The following KLHL1 variants were observed in gnomAD, a reference collection of about 807,000 sequenced individuals.
KLHL1 encodes kelch like family member 1.
In KLHL1, 47 loss-of-function variants were observed where a neutral mutation model predicts 77.7. That is an observed-to-expected ratio of 0.60 (90% CI 0.48 to 0.77). The LOEUF is 0.77. KLHL1 is among the 30% of genes least tolerant of loss of function. The pLI, the probability that KLHL1 is intolerant of heterozygous loss-of-function variation, is 0.00. For synonymous variants in KLHL1, 360 were observed against 325.2 expected (o/e 1.11, Z -1.15); for missense variants, 925 against 910.8 (o/e 1.02, Z -0.20).
At chr13:69,719,333 G>A in intron 9 of KLHL1, 36 bp downstream of exon 9, 1 of 1,575,790 alleles carries the variant, frequency 6.3e-7, no homozygotes, top group Non-Finnish European at 8.7e-7. Flanking sequence ...GATTTGCACT[G>A]TCTCTTTCGC....
At chr13:69,846,361 C>G (rs374566903) in intron 5 of KLHL1, among the ~76,000 whole-genome samples, 1 of 151,426 alleles carries the variant, frequency 6.6e-6, no homozygotes, top group East Asian at 1.9e-4. Context: ...TCAAACATGA[C>G]CAGGAAATAT....
chr13:69,722,264 ATAAT>A (rs201936363), intron 8 of KLHL1, among the ~76,000 whole-genome samples: 1,702 of 152,210 alleles, frequency 0.011, 16 homozygotes, highest in South Asian at 0.02. Flanking sequence ...AATATTGTTG[ATAAT>A]TAATAATAAA....
chr13:70,056,483 A>G lies in KLHL1; in HGVS notation c.497+50720T>C, dbSNP rs79974618. 3.6e-3 allele frequency among the ~76,000 whole-genome samples: 552 copies of G among 152,232 alleles called. 5 individuals are homozygous for G. The highest frequency in any genetic ancestry group is 0.013 in the African/African-American group (531 of 41,568). ...CAAACTTAATCTGCATTATAGACCA[A>G]ATGGAACTAATGTATTTCATTCAAT... On this transcript the variant is annotated intron_variant, in intron 1 of 10. Coordinates refer to ENST00000377844, the MANE Select transcript of KLHL1 (RefSeq NM_020866.3).
intron 5 of KLHL1, among the ~76,000 whole-genome samples, chr13:69,875,749 T>A (rs1880739857): frequency 6.6e-6 from 1 of 152,124 alleles, no homozygotes; most frequent in East Asian, 1.9e-4. Context: ...CTAAGTATCA[T>A]TTAGGATAAA....
chr13:69,996,136 C>A (rs577291571), intron 1 of KLHL1, among the ~76,000 whole-genome samples: 1 of 152,080 alleles, frequency 6.6e-6, no homozygotes, highest in South Asian at 2.1e-4. Flanking sequence ...AACCCTGTCT[C>A]TACTAAAAAT....
At chr13:69,935,235 C>T (rs9542123) in intron 4 of KLHL1, among the ~76,000 whole-genome samples, 2,457 of 136,742 alleles carry the variant, frequency 0.018, 87 homozygotes, top group African/African-American at 0.055. Context: ...ATAGTTCACC[C>T]ACTGGTGAAC....
At chr13:69,996,777 T>A (rs905014158) in intron 1 of KLHL1, among the ~76,000 whole-genome samples, 3 of 152,066 alleles carry the variant, frequency 2.0e-5, no homozygotes, top group Non-Finnish European at 4.4e-5. Context: ...GTATGCTAGA[T>A]GTCTTCATTG....
chr13:69,886,552 T>A (rs1881227348), intron 4 of KLHL1, among the ~76,000 whole-genome samples: 1 of 151,892 alleles, frequency 6.6e-6, no homozygotes, highest in African/African-American at 2.4e-5. Context: ...ATATGAAAAT[T>A]AGCTGAAACC....
At chr13:69,866,946 C>CCT (rs34069392) in intron 5 of KLHL1, among the ~76,000 whole-genome samples, 1 of 151,754 alleles carries the variant, frequency 6.6e-6, no homozygotes, top group African/African-American at 2.4e-5. Context: ...TAAATTATCA[C>CCT]GTTTAATCAT....
chr13:69,985,494 A>G (rs1884838663), intron 1 of KLHL1, among the ~76,000 whole-genome samples: 1 of 151,818 alleles, frequency 6.6e-6, no homozygotes, highest in Non-Finnish European at 1.5e-5. Flanking sequence ...AAATATATAA[A>G]AAATACTGGT....
intron 8 of KLHL1, 138 bp from the exon 9 acceptor site, chr13:69,719,719 T>C: frequency 3.1e-6 from 2 of 635,578 alleles, no homozygotes; most frequent in Non-Finnish European, 5.4e-6. Context: ...GAGATTTTGT[T>C]AAAGATACTC....
rs374656175 is a variant in KLHL1, at chr13:69,978,160, T to C, written c.498-2358A>G. Among the ~76,000 whole-genome samples the C allele has an allele frequency of 2.7e-4, 41 of 152,202 alleles. No individual in the cohort carries two copies. The East Asian group carries it at 6.0e-3, about 22-fold the overall frequency. ...GCAAGAACAGCAGAATTCTTCCACC[T>C]GTTAACGCATTGAATAGAAAAGTCA... On this transcript the variant is annotated intron_variant, in intron 1 of 10. Transcript: ENST00000377844.
In KLHL1 at chr13:69,940,093, C is replaced by A. The variant is rs751336229; in HGVS notation, c.961G>T (p.Ala321Ser). 116 of 1,612,580 alleles carry A rather than the reference C, an allele frequency of 7.2e-5. No homozygotes were observed. Among genetic ancestry groups the A allele is most frequent in the Non-Finnish European group, 9.7e-5 (114 of 1,179,392 alleles). Residue 321 changes from alanine to serine, a missense_variant, in exon 4 of 11, where the codon GCA becomes TCA. Ala to Ser is a moderately conservative substitution (Grantham distance 99, BLOSUM62 1). Transcript: ENST00000377844. Reference sequence around the variant, plus strand: ...AACTCAATGCATCCTTGAGCATCTGCGAAGGCTCGAATTCCTAAACAGTTA... The same window carrying A: ...AACTCAATGCATCCTTGAGCATCTGAGAAGGCTCGAATTCCTAAACAGTTA... ...PSNCLGIRAFADAQGCIELMK... is the reference protein window; with the variant it reads ...PSNCLGIRAFSDAQGCIELMK...
intron 5 of KLHL1, among the ~76,000 whole-genome samples, chr13:69,857,088 T>C (rs17085532): frequency 0.32 from 48,673 of 151,870 alleles, 8,343 homozygotes; most frequent in African/African-American, 0.45. Context: ...TCTCCGTTTT[T>C]TGTCTCCTAA....
intron 4 of KLHL1, among the ~76,000 whole-genome samples, chr13:69,931,475 G>C (rs577729400): frequency 6.6e-6 from 1 of 151,744 alleles, no homozygotes; most frequent in South Asian, 2.1e-4. Context: ...AAAGTACATT[G>C]GTCTGGCTTT....
chr13:69,908,456 T>C (rs1882117323), intron 4 of KLHL1, among the ~76,000 whole-genome samples: 1 of 150,432 alleles, frequency 6.6e-6, no homozygotes, highest in Non-Finnish European at 1.5e-5. Context: ...AACATTCAAA[T>C]AGTAAATTCT....
At chr13:69,941,239 G>A (rs1259617150) in intron 3 of KLHL1, among the ~76,000 whole-genome samples, 3 of 151,864 alleles carry the variant, frequency 2.0e-5, no homozygotes, top group African/African-American at 4.8e-5. Flanking sequence ...AATCAAAACT[G>A]TATCAAGTAT....
chr13:70,064,898 C>G (rs527916876), intron 1 of KLHL1, among the ~76,000 whole-genome samples: 1 of 152,102 alleles, frequency 6.6e-6, no homozygotes, highest in East Asian at 1.9e-4. Context: ...AACTACCACC[C>G]CATCTTACAT....
chr13:70,012,653 G>A (rs1055793982), intron 1 of KLHL1, among the ~76,000 whole-genome samples: 4 of 152,278 alleles, frequency 2.6e-5, no homozygotes, highest in African/African-American at 9.6e-5. Flanking sequence ...GCTCATGCCT[G>A]TAATCCCAGC....
Sources: gnomAD v4.1 joint callset for allele counts (sites outside exome capture counted in the v4.1 genomes callset) on GRCh38, gnomAD v4.1.1 for gene constraint, MANE v1.5 for transcripts, NCBI Gene and HGNC (gene_info 2026-07-23, HGNC 2026-07-21) for gene names.